Variants in SVIL observed in about 807,000 individuals in gnomAD.
The protein encoded by SVIL is archvillin.
In SVIL, 101 loss-of-function variants were observed where a neutral mutation model predicts 240.4. The observed-to-expected ratio is 0.42, with a 90% CI of 0.36 to 0.50. SVIL has a LOEUF of 0.50. SVIL is among the 20% of genes least tolerant of loss of function. SVIL has a pLI of 0.01. For missense variants in SVIL, 2,512 were observed against 2,818.7 expected, an observed-to-expected ratio of 0.89 and a Z score of 2.46; for synonymous variants, 999 against 1,100.0, an observed-to-expected ratio of 0.91 and a Z score of 1.82.
intron 1 of SVIL, among the ~76,000 whole-genome samples, chr10:29,579,146 G>T (rs545643843): frequency 4.7e-4 from 71 of 152,182 alleles, no homozygotes; most frequent in African/African-American, 1.7e-3. Context: ...AGGTAAAAAC[G>T]GGGACAATGG....
intron 18 of SVIL, among the ~76,000 whole-genome samples, chr10:29,496,671 TAAAAC>T (rs1206328142): frequency 6.6e-6 from 1 of 152,204 alleles, no homozygotes; most frequent in Non-Finnish European, 1.5e-5. Context: ...TACAAAATGT[TAAAAC>T]AAAACAAAGA....
Position 29,470,410 on chromosome 10 carries a change from A to G in SVIL, c.5709T>C (p.Cys1903=). 6.2e-7 allele frequency: 1 copy of G among 1,614,214 alleles called. No individual in the cohort carries two copies. The highest frequency in any genetic ancestry group is 8.5e-7 in the Non-Finnish European group (1 of 1,180,038). ...TGGAAGTTCTGGACCTCAGGCTGCT[A>G]CAGTGACAGGCCACTTCCAGCAAAT... The part of the protein sequence containing the change: ...EGNLLEVACH[C]SSLRSRTSMV... Residue 1903 remains cysteine (C), a synonymous_variant, in exon 32 of 38, where the codon TGT becomes TGC. Coordinates refer to ENST00000355867, the MANE Select transcript of SVIL (RefSeq NM_021738.3).
chr10:29,504,720 C>T (rs12412168), intron 17 of SVIL, among the ~76,000 whole-genome samples: 17,393 of 152,138 alleles, frequency 0.11, 1,221 homozygotes, highest in African/African-American at 0.19. Flanking sequence ...GGATATGGAG[C>T]GACAGGAACT....
chr10:29,614,099 A>G (rs1367520816), intron 1 of SVIL, among the ~76,000 whole-genome samples: 2 of 152,186 alleles, frequency 1.3e-5, no homozygotes, highest in Non-Finnish European at 2.9e-5. Context: ...CACTAACTAT[A>G]CCACAACAGA....
intron 17 of SVIL, among the ~76,000 whole-genome samples, chr10:29,505,574 G>A (rs747849233): frequency 2.6e-5 from 4 of 152,108 alleles, no homozygotes; most frequent in African/African-American, 2.4e-5. Flanking sequence ...GCAGGGAAAC[G>A]ATTCTGTATG....
chr10:29,592,823 C>T (rs1956440734), intron 1 of SVIL, among the ~76,000 whole-genome samples: 1 of 152,122 alleles, frequency 6.6e-6, no homozygotes, highest in East Asian at 1.9e-4. Flanking sequence ...ATATTTCCTT[C>T]ATGATCAAGG....
Position 29,470,575 on chromosome 10 carries a change from C to T in SVIL, c.5636-92G>A, listed in dbSNP as rs1056111831. 14 of 1,442,050 alleles carry T rather than the reference C, an allele frequency of 9.7e-6. No individual in the cohort carries two copies. The African/African-American group carries it at 1.8e-4, about 19-fold the overall frequency. 89.3% of individuals were successfully genotyped at this position (1,442,050 alleles called of 1,614,324 possible). A position where few individuals can be genotyped will look rare whatever the true frequency, so the allele number is the denominator to read the frequency against. Reference sequence around the variant, plus strand: ...CTAGTGTCCGCTGTGTCGTCCAAGGCAGCCACCTCCGTCCAGGGCCAGGGA... The same window carrying T: ...CTAGTGTCCGCTGTGTCGTCCAAGGTAGCCACCTCCGTCCAGGGCCAGGGA... On this transcript the variant is annotated intron_variant, in intron 31 of 37. Coordinates refer to ENST00000355867, the MANE Select transcript of SVIL (RefSeq NM_021738.3).
intron 9 of SVIL, 72 bp from the exon 10 acceptor site, chr10:29,531,360 A>G (rs371194173): frequency 4.4e-6 from 6 of 1,366,570 alleles, no homozygotes; most frequent in Non-Finnish European, 6.1e-6. Context: ...AAAACATCAT[A>G]CTGAAAGTAA....
In SVIL at chr10:29,551,158, C is replaced by T; in HGVS notation, c.266G>A (p.Gly89Asp). 1.2e-6 allele frequency: 2 copies of T among 1,614,140 alleles called. No homozygotes were observed. The highest frequency in any genetic ancestry group is 1.7e-6 in the Non-Finnish European group (2 of 1,180,026). ...TSGVHGDSPY[G>D]SGTMDTHSLE... ...ACTGTGGGTGTCCATGGTACCCGAA[C>T]CATAGGGTGAGTCACCGTGGACACC... Residue 89 changes from glycine (G) to aspartate (D), a missense_variant, in exon 6 of 38, where the codon GGT becomes GAT. Coordinates refer to ENST00000355867, the MANE Select transcript of SVIL (RefSeq NM_021738.3).
intron 1 of SVIL, among the ~76,000 whole-genome samples, chr10:29,717,808 G>T (rs937170478): frequency 6.6e-6 from 1 of 151,946 alleles, no homozygotes; most frequent in Non-Finnish European, 1.5e-5. Context: ...TTTGGGGTTT[G>T]GTTAACAAAT....
intron 35 of SVIL, 103 bp from the exon 36 acceptor site, chr10:29,462,504 T>C: frequency 6.8e-7 from 1 of 1,467,156 alleles, no homozygotes; most frequent in Non-Finnish European, 9.2e-7. Flanking sequence ...CATGACTTCA[T>C]GCTTAAAATG....
intron 1 of SVIL, among the ~76,000 whole-genome samples, chr10:29,731,753 T>G (rs1035037627): frequency 1.3e-5 from 2 of 152,224 alleles, no homozygotes; most frequent in Non-Finnish European, 2.9e-5. Context: ...CAGAAACAAG[T>G]AAGTCTCTTT....
In SVIL at chr10:29,523,482, C is replaced by A. The variant is rs1950694382; in HGVS notation, c.3132G>T (p.Glu1044Asp). The A allele has an allele frequency of 1.2e-6, 2 of 1,609,952 alleles. No homozygotes were observed. Among genetic ancestry groups the A allele is most frequent in the South Asian group, 2.2e-5 (2 of 90,428 alleles). ...GTGAAAACTTCCTTTTCATAACATT[C>A]TCCACCTCCACCTTCTCTTCAAAGG... ...RLPFEEKVEV[E>D]NVMKRKFSLR... The change falls in exon 15 of 38, where the codon GAG becomes GAT. Residue 1044 changes from glutamate to aspartate, a missense_variant. Glu to Asp is a conservative substitution (Grantham distance 45). Transcript: ENST00000355867.
At chr10:29,509,333 GAGAGAGA>G (rs1564540953) in intron 17 of SVIL, among the ~76,000 whole-genome samples, 24 of 42,452 alleles carry the variant, frequency 5.7e-4, no homozygotes, top group African/African-American at 2.3e-3. Context: ...GGGGGAGGGA[GAGAGAGA>G]GAGAGAGAGA....
chr10:29,627,423 C>G (rs1002274366), intron 1 of SVIL, among the ~76,000 whole-genome samples: 1 of 152,182 alleles, frequency 6.6e-6, no homozygotes, highest in African/African-American at 2.4e-5. Flanking sequence ...GCTGGTTATT[C>G]ATGAAAATCA....
chr10:29,512,219 T>G (rs1363246050), intron 17 of SVIL, among the ~76,000 whole-genome samples: 1 of 152,248 alleles, frequency 6.6e-6, no homozygotes, highest in African/African-American at 2.4e-5. Flanking sequence ...TTGTTTCAAC[T>G]TATACATTAC....
chr10:29,486,918 A>AC, intron 24 of SVIL, among the ~76,000 whole-genome samples: 1 of 152,312 alleles, frequency 6.6e-6, no homozygotes, highest in South Asian at 2.1e-4. Flanking sequence ...CCTTTTTTAC[A>AC]CAGGAGTAGG....
At chr10:29,568,072 A>C (rs1461709358) in intron 2 of SVIL, among the ~76,000 whole-genome samples, 1 of 152,034 alleles carries the variant, frequency 6.6e-6, no homozygotes, top group Non-Finnish European at 1.5e-5. Context: ...CTCAGATCCT[A>C]TTAAAACATG....
chr10:29,530,406 G>A (rs1951272975), intron 11 of SVIL, among the ~76,000 whole-genome samples: 1 of 152,154 alleles, frequency 6.6e-6, no homozygotes, highest in African/African-American at 2.4e-5. Context: ...GCCCAGAGGT[G>A]CATGAAGTAG....
Sources: gnomAD v4.1 joint callset for allele counts (sites outside exome capture counted in the v4.1 genomes callset) on GRCh38, gnomAD v4.1.1 for gene constraint, MANE v1.5 for transcripts, NCBI Gene and HGNC (gene_info 2026-07-23, HGNC 2026-07-21) for gene names.